The following MROH9 variants were observed in gnomAD, a reference collection of about 807,000 sequenced individuals.
The protein encoded by MROH9 is maestro heat like repeat family member 9, also known as maestro heat-like repeat-containing protein family member 9.
A neutral mutation model predicts 98.2 loss-of-function variants in MROH9; 92 were observed. The observed-to-expected ratio is 0.94, with a 90% CI of 0.79 to 1.11. MROH9 has a LOEUF of 1.11. Ranked by LOEUF, MROH9 falls within the 50% of genes most tolerant of loss-of-function variation. The pLI is 0.00. For missense variants in MROH9, 1,057 were observed against 1,014.8 expected, an observed-to-expected ratio of 1.04 and a Z score of -0.57; for synonymous variants, 397 against 368.9, an observed-to-expected ratio of 1.08 and a Z score of -0.87.
intron 9 of MROH9, among the ~76,000 whole-genome samples, chr1:170,986,334 T>G (rs926170537): frequency 6.6e-6 from 1 of 152,166 alleles, no homozygotes; most frequent in African/African-American, 2.4e-5. Context: ...AAGAAAAAAA[T>G]TAAACATAAT....
At chr1:171,060,604 A>G (rs952755339) in intron 20 of MROH9, among the ~76,000 whole-genome samples, 2 of 152,214 alleles carry the variant, frequency 1.3e-5, no homozygotes, top group African/African-American at 4.8e-5. Context: ...GACATTGACC[A>G]CACACAATTT....
intron 3 of MROH9, among the ~76,000 whole-genome samples, chr1:170,951,323 A>G (rs912704900): frequency 2.6e-5 from 4 of 152,160 alleles, no homozygotes; most frequent in African/African-American, 9.7e-5. Flanking sequence ...CCAGCTCCTA[A>G]GCATGCATAG....
chr1:170,998,070 A>T, intron 14 of MROH9, 84 bp from the exon 15 acceptor site: 1 of 1,035,724 alleles, frequency 9.7e-7, no homozygotes, highest in Non-Finnish European at 1.4e-6. Flanking sequence ...GAGGTGCAAG[A>T]TATTAGAATA....
At chr1:170,950,930 C>T (rs1201124916) in intron 3 of MROH9, among the ~76,000 whole-genome samples, 1 of 151,956 alleles carries the variant, frequency 6.6e-6, no homozygotes, top group Non-Finnish European at 1.5e-5. Flanking sequence ...TTTCTTTTAG[C>T]CTTTATTTTT....
intron 8 of MROH9, among the ~76,000 whole-genome samples, chr1:170,977,648 C>T (rs999248180): frequency 6.6e-6 from 1 of 152,150 alleles, no homozygotes; most frequent in Non-Finnish European, 1.5e-5. Flanking sequence ...AAAGCATGGG[C>T]TCCTTTCCCA....
intron 20 of MROH9, among the ~76,000 whole-genome samples, chr1:171,055,219 G>A (rs1284648685): frequency 6.6e-6 from 1 of 152,194 alleles, no homozygotes; most frequent in Non-Finnish European, 1.5e-5. Context: ...CAGCAACCTG[G>A]ATAACTGGAG....
intron 19 of MROH9, 133 bp from the exon 20 acceptor site, chr1:171,025,185 A>G: frequency 1.7e-6 from 1 of 603,770 alleles, no homozygotes. Flanking sequence ...TTTGGGAACA[A>G]GAGTATAGTT....
chr1:170,942,637 C>G (rs899901304), intron 1 of MROH9, among the ~76,000 whole-genome samples: 1 of 152,074 alleles, frequency 6.6e-6, no homozygotes, highest in Admixed American at 6.6e-5. Flanking sequence ...GGAAATATGA[C>G]ATGCCTGGAA....
chr1:171,064,054 C>G (rs1654093875), intron 21 of MROH9, 45 bp from the exon 22 acceptor site: 1 of 1,502,654 alleles, frequency 6.7e-7, no homozygotes, highest in South Asian at 1.4e-5. Flanking sequence ...TTCATGGCCT[C>G]TAAGAAAGAG....
intron 8 of MROH9, among the ~76,000 whole-genome samples, chr1:170,974,894 T>G (rs1241067793): frequency 6.6e-6 from 1 of 151,984 alleles, no homozygotes; most frequent in Non-Finnish European, 1.5e-5. Flanking sequence ...AAAATTCTTC[T>G]CCTATGCACA....
rs760239861 is a variant in MROH9 at position 170,992,206 on chromosome 1, C to G, written c.1071C>G (p.Ser357Arg). The G allele has an allele frequency of 3.7e-6, 6 of 1,612,768 alleles. No individual in the cohort carries two copies. Among genetic ancestry groups the G allele is most frequent in the Non-Finnish European group, 5.1e-6 (6 of 1,179,434 alleles). The change falls in exon 12 of 22, where the codon AGC becomes AGG. Residue 357 changes from serine to arginine, a missense_variant. Transcript: ENST00000367759. ...QMWKAACSQASVAPHVLKTIL... is the reference protein window; with the variant it reads ...QMWKAACSQARVAPHVLKTIL... ...GGAAGGCGGCATGTTCTCAGGCGAG[C>G]GTGGCCCCTCACGTGCTGAAGACAA...
chr1:171,053,260 T>C (rs1653727766), intron 20 of MROH9, among the ~76,000 whole-genome samples: 1 of 152,186 alleles, frequency 6.6e-6, no homozygotes, highest in African/African-American at 2.4e-5. Context: ...CACTGCCAGA[T>C]CACCAAACAA....
At chr1:170,963,690 G>GAT (rs1398768766) in intron 6 of MROH9, among the ~76,000 whole-genome samples, 1 of 152,110 alleles carries the variant, frequency 6.6e-6, no homozygotes, top group Non-Finnish European at 1.5e-5. Context: ...CAGGAATTTG[G>GAT]ATGGAGCTGG....
chr1:170,939,868 C>T (rs945479177), intron 1 of MROH9, among the ~76,000 whole-genome samples: 5 of 152,264 alleles, frequency 3.3e-5, no homozygotes, highest in Non-Finnish European at 7.4e-5. Context: ...TAAGGCTTTG[C>T]TCCAAAATCC....
At chr1:170,954,372 A>G (rs1649679641) in intron 3 of MROH9, among the ~76,000 whole-genome samples, 1 of 151,944 alleles carries the variant, frequency 6.6e-6, no homozygotes, top group Non-Finnish European at 1.5e-5. Flanking sequence ...TCAATATCTG[A>G]TTTTATATTT....
At chr1:170,950,395 G>A (rs1028670093) in intron 3 of MROH9, among the ~76,000 whole-genome samples, 1 of 152,070 alleles carries the variant, frequency 6.6e-6, no homozygotes, top group African/African-American at 2.4e-5. Context: ...GGGAAAGACA[G>A]GGCAAGGGAG....
At position 170,998,265 on chromosome 1, in the gene MROH9, C is replaced by A. The variant is rs1456452984; in HGVS notation, c.1587C>A (p.Phe529Leu). 3.1e-6 allele frequency: 5 copies of A among 1,613,412 alleles called. No homozygotes were observed. The highest frequency in any genetic ancestry group is 1.7e-4 in the Middle Eastern group (1 of 6,054). Residue 529 changes from phenylalanine to leucine, a missense_variant, in exon 15 of 22, where the codon TTC (phenylalanine) becomes TTA (leucine). Coordinates refer to ENST00000367759, the MANE Select transcript of MROH9 (RefSeq NM_001163629.2). The part of the protein sequence containing the change: ...RSEDTVIVLI[F>L]LTELLNNFFK... ...AAGACACTGTCATCGTATTAATATT[C>A]CTCACTGAAGTGAGTTTTGTAGACT...
intron 8 of MROH9, among the ~76,000 whole-genome samples, chr1:170,981,019 C>T (rs867437953): frequency 3.3e-5 from 5 of 152,166 alleles, no homozygotes; most frequent in Admixed American, 2.0e-4. Context: ...ATGAAAAAAC[C>T]TCAACATCAC....
At chr1:171,062,966 C>A (rs1191592367) in intron 21 of MROH9, among the ~76,000 whole-genome samples, 1 of 152,008 alleles carries the variant, frequency 6.6e-6, no homozygotes, top group Non-Finnish European at 1.5e-5. Context: ...ATTTATACAT[C>A]ATTACCTTCC....
Sources: allele counts gnomAD v4.1 joint callset (sites outside exome capture counted in the v4.1 genomes callset), GRCh38; gene constraint gnomAD v4.1.1; transcripts MANE v1.5; gene names NCBI Gene and HGNC (gene_info 2026-07-23, HGNC 2026-07-21).